The following B4GALT6 variants were observed in gnomAD, a reference collection of about 807,000 sequenced individuals.
B4GALT6 encodes UDP-Gal:beta-GlcNAc beta-1,4-galactosyltransferase 6.
B4GALT6 carries 14 observed loss-of-function variants against 46.3 expected under a neutral mutation model. That is an observed-to-expected ratio of 0.30 (90% CI 0.20 to 0.47). The LOEUF is 0.47. Among genes scored for constraint, B4GALT6 ranks in the 20% least tolerant of loss-of-function variants. The pLI is 0.99. For missense variants in B4GALT6, 386 were observed against 480.1 expected (o/e 0.80, Z 1.83); for synonymous variants, 168 against 162.0 (o/e 1.04, Z -0.28).
chr18:31,679,279 T>A (rs1325060932), intron 1 of B4GALT6, among the ~76,000 whole-genome samples: 1 of 152,210 alleles, frequency 6.6e-6, no homozygotes, highest in African/African-American at 2.4e-5. Flanking sequence ...TTTCAATGAA[T>A]CAAGTTTCCC....
At chr18:31,700,937 AAGC>A in the B4GALT6 span, among the ~76,000 whole-genome samples, 1 of 152,176 alleles carries the variant, frequency 6.6e-6, no homozygotes, top group Admixed American at 6.6e-5. Flanking sequence ...TCATTTTATG[AAGC>A]AACTGATATT....
At chr18:31,714,099 C>T in the B4GALT6 span, among the ~76,000 whole-genome samples, 24 of 152,264 alleles carry the variant, frequency 1.6e-4, no homozygotes, top group South Asian at 5.0e-3. Flanking sequence ...ATATGGTAGC[C>T]ATAGGCCACA....
At chr18:31,682,427 C>G (rs2074490458) in intron 1 of B4GALT6, among the ~76,000 whole-genome samples, 1 of 152,108 alleles carries the variant, frequency 6.6e-6, no homozygotes, top group South Asian at 2.1e-4. Flanking sequence ...TTTATAAGAC[C>G]TACAAAAACA....
chr18:31,686,788 C>T (rs1252085464), upstream of B4GALT6: 3 of 152,140 alleles, frequency 2.0e-5, no homozygotes, highest in African/African-American at 4.8e-5. Flanking sequence ...TTGTGATTTT[C>T]CCCTCTCCAA....
chr18:31,713,591 T>C, the B4GALT6 span, among the ~76,000 whole-genome samples: 1 of 152,228 alleles, frequency 6.6e-6, no homozygotes, highest in African/African-American at 2.4e-5. Context: ...TTGAAGCCTC[T>C]GCCTTCCTGT....
intron 1 of B4GALT6, among the ~76,000 whole-genome samples, chr18:31,675,881 AAT>A (rs1209000673): frequency 3.9e-5 from 6 of 152,178 alleles, no homozygotes; most frequent in African/African-American, 1.4e-4. Context: ...GAACTATTTG[AAT>A]ATGTTTTATA....
In B4GALT6 at chr18:31,683,828, C is replaced by T. The variant is rs562540859; in HGVS notation, c.115+484G>A. ...ACAAAAAGAATGGGGTCCACTGACC[C>T]CATTCTAAAAAAGCGACCTAGGACC... On this transcript the variant is annotated intron_variant, in intron 1 of 8. Coordinates refer to ENST00000306851, the MANE Select transcript of B4GALT6 (RefSeq NM_004775.5). Among the ~76,000 whole-genome samples, 123 of 152,128 alleles carry T rather than the reference C, an allele frequency of 8.1e-4. 1 individual carries two copies. The highest frequency in any genetic ancestry group is 2.8e-3 in the African/African-American group (117 of 41,496).
intron 1 of B4GALT6, among the ~76,000 whole-genome samples, chr18:31,675,298 T>C (rs718780): frequency 0.45 from 68,794 of 152,126 alleles, 18,170 homozygotes; most frequent in South Asian, 0.65. Context: ...GGTGGAAACA[T>C]GTTTATCCAC....
chr18:31,670,009 T>G (rs998080428), intron 1 of B4GALT6, among the ~76,000 whole-genome samples: 19 of 151,398 alleles, frequency 1.3e-4, no homozygotes, highest in Non-Finnish European at 2.8e-4. Context: ...GGAAACAACT[T>G]TTTAAATTAT....
intron 2 of B4GALT6, 41 bp from the exon 3 acceptor site, chr18:31,658,130 C>G: frequency 4.0e-6 from 5 of 1,249,630 alleles, no homozygotes; most frequent in Non-Finnish European, 5.7e-6. Flanking sequence ...AAAAAAAAGG[C>G]CTTTTGCTTT....
chr18:31,704,061 A>G, the B4GALT6 span, among the ~76,000 whole-genome samples: 1 of 152,120 alleles, frequency 6.6e-6, no homozygotes, highest in African/African-American at 2.4e-5. Context: ...AATGTGAAAA[A>G]TTGGTCTTAA....
At chr18:31,720,881 C>T in the B4GALT6 span, among the ~76,000 whole-genome samples, 21 of 152,112 alleles carry the variant, frequency 1.4e-4, no homozygotes, top group Admixed American at 1.4e-3. Flanking sequence ...CTTTGGAGAC[C>T]GTAGGCACAT....
upstream of B4GALT6, chr18:31,686,052 C>T (rs959864794): frequency 4.6e-5 from 7 of 152,382 alleles, no homozygotes; most frequent in African/African-American, 1.2e-4. Context: ...TCTTCATCCA[C>T]CTCCTAGGCC....
the B4GALT6 span, among the ~76,000 whole-genome samples, chr18:31,706,478 A>G: frequency 6.6e-6 from 1 of 152,086 alleles, no homozygotes; most frequent in Non-Finnish European, 1.5e-5. Flanking sequence ...TAAAAATACA[A>G]AAATTAGCTG....
Position 31,630,963 on chromosome 18 carries a change from A to G in B4GALT6, c.772T>C (p.Tyr258His). Reference sequence around the variant, plus strand: ...GGAATAGTGCACACTACTTACATATACATGTATTTATCCAGCTTTGCAGCA... The same window carrying G: ...GGAATAGTGCACACTACTTACATATGCATGTATTTATCCAGCTTTGCAGCA... ...HFAAKLDKYM[Y>H]ILPYKEFFGG... Residue 258 changes from tyrosine to histidine, a missense_variant, in exon 6 of 9, where the codon TAT (tyrosine) becomes CAT (histidine). Transcript: ENST00000306851. The G allele has an allele frequency of 6.2e-7, 1 of 1,614,138 alleles. No homozygotes were observed.
Position 31,643,564 on chromosome 18 carries a change from G to A in B4GALT6, c.471+1791C>T, listed in dbSNP as rs1297115897. ...TCTGCCCACCTCAGCCTCCCAAAGT[G>A]CTGGGATTACAGGTATGAACCTTAG... On this transcript the variant is annotated intron_variant, in intron 4 of 8. Transcript: ENST00000306851. Among the ~76,000 whole-genome samples, 6 of 152,278 alleles carry A rather than the reference G, an allele frequency of 3.9e-5. No homozygotes were observed. The East Asian group carries it at 1.2e-3, about 29-fold the overall frequency.
upstream of B4GALT6, chr18:31,684,847 C>T: frequency 2.3e-6 from 2 of 867,852 alleles, no homozygotes; most frequent in Non-Finnish European, 2.8e-6. Flanking sequence ...TGCAGCACGC[C>T]CGGCTCCGCT....
intron 2 of B4GALT6, among the ~76,000 whole-genome samples, chr18:31,662,714 G>A (rs2074233681): frequency 1.3e-5 from 2 of 152,242 alleles, no homozygotes; most frequent in South Asian, 4.1e-4. Context: ...GGTGGCGGGC[G>A]CCTGTAGTCC....
the B4GALT6 span, among the ~76,000 whole-genome samples, chr18:31,700,495 C>T: frequency 2.7e-5 from 4 of 149,802 alleles, no homozygotes; most frequent in South Asian, 6.3e-4. Flanking sequence ...CTCGCTCTGT[C>T]GCCCAGGCTG....
Sources: gnomAD v4.1 joint callset for allele counts (sites outside exome capture counted in the v4.1 genomes callset) on GRCh38, gnomAD v4.1.1 for gene constraint, MANE v1.5 for transcripts, NCBI Gene and HGNC (gene_info 2026-07-23, HGNC 2026-07-21) for gene names.